PAQR5: variants seen among roughly 807,000 people sequenced by gnomAD.
The protein encoded by PAQR5 is membrane progestin receptor gamma.
PAQR5 carries 20 observed loss-of-function variants against 34.5 expected under a neutral mutation model. The ratio of observed to expected loss-of-function variants is 0.58; its 90% CI spans 0.41 to 0.84. The LOEUF (loss-of-function observed/expected upper bound fraction) is 0.84, where lower values mean the gene tolerates loss of function less well. Among genes scored for constraint, PAQR5 ranks in the 40% least tolerant of loss-of-function variants. The probability of loss-of-function intolerance (pLI) is 0.00; values close to 1 mark genes in which losing one functional copy is unlikely to be tolerated. For missense variants in PAQR5, 378 were observed against 412.7 expected, an observed-to-expected ratio of 0.92 and a Z score of 0.73; for synonymous variants, 131 against 155.6, an observed-to-expected ratio of 0.84 and a Z score of 1.18.
At chr15:69,301,737 C>T (rs530647404) in intron 1 of PAQR5, among the ~76,000 whole-genome samples, 5 of 152,140 alleles carry the variant, frequency 3.3e-5, no homozygotes, top group Admixed American at 3.3e-4. Flanking sequence ...GGCGGTAAGT[C>T]CTTTCTCAGC....
intron 3 of PAQR5, among the ~76,000 whole-genome samples, chr15:69,379,100 A>T (rs947083800): frequency 2.0e-5 from 3 of 152,230 alleles, no homozygotes; most frequent in Non-Finnish European, 4.4e-5. Context: ...AGCTCTTCTA[A>T]CCATGGCAGG....
At chr15:69,334,730 T>C (rs1406979785) in intron 1 of PAQR5, among the ~76,000 whole-genome samples, 2 of 152,142 alleles carry the variant, frequency 1.3e-5, no homozygotes, top group African/African-American at 2.4e-5. Flanking sequence ...AATGTGTTTT[T>C]GGTAAAAGAT....
intron 3 of PAQR5, among the ~76,000 whole-genome samples, chr15:69,360,498 A>C (rs1200271414): frequency 6.6e-6 from 1 of 152,184 alleles, no homozygotes. Context: ...GCAAAGGCAC[A>C]CCAGGTCATG....
intron 1 of PAQR5, among the ~76,000 whole-genome samples, chr15:69,329,219 ACACT>A (rs1365018621): frequency 6.6e-6 from 1 of 152,128 alleles, no homozygotes; most frequent in African/African-American, 2.4e-5. Flanking sequence ...ACACACATAT[ACACT>A]CACTCACACA....
chr15:69,309,390 G>A (rs2053782815), intron 1 of PAQR5, among the ~76,000 whole-genome samples: 1 of 152,110 alleles, frequency 6.6e-6, no homozygotes, highest in African/African-American at 2.4e-5. Context: ...AAGTGCCTGG[G>A]GATTTTGAAG....
chr15:69,349,415 G>A (rs2054853658), intron 2 of PAQR5, among the ~76,000 whole-genome samples: 1 of 152,180 alleles, frequency 6.6e-6, no homozygotes, highest in African/African-American at 2.4e-5. Flanking sequence ...CAGAGAACAT[G>A]TGTGGGGATG....
rs1263704128 is a variant in PAQR5 at position 69,407,571 on chromosome 15, A to G, written c.*3749A>G. 1.3e-5 allele frequency: 2 copies of G among 152,240 alleles called. No individual in the cohort carries two copies. Among genetic ancestry groups the G allele is most frequent in the Admixed American group, 6.5e-5 (1 of 15,284 alleles). The allele number at this position is 152,240 out of a possible 1,614,324, so 9.4% of individuals were successfully genotyped here. A position where few individuals can be genotyped will look rare whatever the true frequency, so the allele number is the denominator to read the frequency against. ...TGTTTCCAAACTCAGATGTTCTCCAACTTACACTAATGTCTGGTTTTCTTG... is the reference window on the plus strand; with the variant it reads ...TGTTTCCAAACTCAGATGTTCTCCAGCTTACACTAATGTCTGGTTTTCTTG... On this transcript the variant is annotated 3_prime_UTR_variant, in exon 9 of 9. Coordinates refer to ENST00000395407, the MANE Select transcript of PAQR5 (RefSeq NM_017705.4).
At chr15:69,333,874 G>GTT (rs1417780748) in intron 1 of PAQR5, among the ~76,000 whole-genome samples, 3 of 151,948 alleles carry the variant, frequency 2.0e-5, no homozygotes, top group East Asian at 3.9e-4. Flanking sequence ...ATTCATATGT[G>GTT]TTGTGTGTGT....
At chr15:69,367,306 C>T (rs2055429193) in intron 3 of PAQR5, among the ~76,000 whole-genome samples, 1 of 151,768 alleles carries the variant, frequency 6.6e-6, no homozygotes, top group Non-Finnish European at 1.5e-5. Context: ...TTCCCTTCCA[C>T]CTGTTTTATA....
At chr15:69,341,462 TC>T (rs990699937) in intron 2 of PAQR5, among the ~76,000 whole-genome samples, 70 of 150,452 alleles carry the variant, frequency 4.7e-4, no homozygotes, top group African/African-American at 1.7e-3. Context: ...GCTCAAGTAG[TC>T]CCCCCACCTC....
At chr15:69,331,805 A>G (rs1014174298) in intron 1 of PAQR5, among the ~76,000 whole-genome samples, 6 of 152,220 alleles carry the variant, frequency 3.9e-5, no homozygotes, top group African/African-American at 1.4e-4. Flanking sequence ...TCTGTTGTGT[A>G]TATTTTGCTG....
intron 3 of PAQR5, among the ~76,000 whole-genome samples, chr15:69,371,030 ATTTC>A (rs1452718199): frequency 3.3e-5 from 5 of 152,192 alleles, no homozygotes. Flanking sequence ...AATTTATTTT[ATTTC>A]TTCATTTCAG....
Position 69,385,795 on chromosome 15 carries a change from T to C in PAQR5, c.385+913T>C, listed in dbSNP as rs991128828. Among the ~76,000 whole-genome samples, 1 of 151,138 alleles carries C rather than the reference T, an allele frequency of 6.6e-6. No homozygotes were observed. Among genetic ancestry groups the C allele is most frequent in the African/African-American group, 2.4e-5 (1 of 40,994 alleles). On this transcript the variant is annotated intron_variant, in intron 5 of 8. Coordinates refer to ENST00000395407, the MANE Select transcript of PAQR5 (RefSeq NM_017705.4). The surrounding 1 kb of genome is among the most constrained non-coding windows in gnomAD (Gnocchi z 4.7). ...ACTGACACACACTGACACACACACA[T>C]ACAATGCACTCACACATGCACATAC...
At chr15:69,372,559 A>G (rs1449618751) in intron 3 of PAQR5, among the ~76,000 whole-genome samples, 1 of 152,108 alleles carries the variant, frequency 6.6e-6, no homozygotes, top group Non-Finnish European at 1.5e-5. Context: ...AACAAAACAA[A>G]ACAAAAAGCA....
At chr15:69,312,225 G>C (rs1003229653) in intron 1 of PAQR5, among the ~76,000 whole-genome samples, 1 of 152,184 alleles carries the variant, frequency 6.6e-6, no homozygotes, top group South Asian at 2.1e-4. Flanking sequence ...GCAGGGGCGA[G>C]AGGGTCCAAG....
chr15:69,375,585 C>G (rs2055684813), intron 3 of PAQR5, among the ~76,000 whole-genome samples: 1 of 152,172 alleles, frequency 6.6e-6, no homozygotes, highest in Non-Finnish European at 1.5e-5. Context: ...AGAGCCCTCC[C>G]CAGGCGGAGC....
intron 2 of PAQR5, among the ~76,000 whole-genome samples, chr15:69,355,536 T>C (rs2055055128): frequency 6.6e-6 from 1 of 151,844 alleles, no homozygotes; most frequent in South Asian, 2.1e-4. Flanking sequence ...GTCCCCTGCC[T>C]CAGCCTCCCA....
In PAQR5 at chr15:69,359,902, C is replaced by A. The variant is rs1197198252; in HGVS notation, c.-115-64C>A. On this transcript the variant is annotated intron_variant, in intron 2 of 8. Coordinates refer to ENST00000395407, the MANE Select transcript of PAQR5 (RefSeq NM_017705.4). ...TATGTTCAATAGTTGAACAAGCTGA[C>A]TGTCCTGACCCAGCTGGAGTTAGGC... is the stretch of plus-strand genomic sequence containing the variant. 1.0e-5 allele frequency: 6 copies of A among 584,134 alleles called. No homozygotes were observed. In the African/African-American group the frequency reaches 1.1e-4, roughly 11 times the overall value. 36.2% of individuals were successfully genotyped at this position (584,134 alleles called of 1,614,324 possible).
chr15:69,372,230 A>G (rs1248763657), intron 3 of PAQR5, among the ~76,000 whole-genome samples: 1 of 152,138 alleles, frequency 6.6e-6, no homozygotes, highest in Non-Finnish European at 1.5e-5. Context: ...TCTTCTGTAA[A>G]TATTGTGCTG....
Sources: allele counts gnomAD v4.1 joint callset (sites outside exome capture counted in the v4.1 genomes callset), GRCh38; gene constraint gnomAD v4.1.1; non-coding constraint Gnocchi (gnomAD v3.1); transcripts MANE v1.5; gene names NCBI Gene and HGNC (gene_info 2026-07-23, HGNC 2026-07-21).